Variants in CEP350 observed in about 807,000 individuals in gnomAD.
CEP350 encodes centrosome-associated protein 350.
Under a neutral mutation model 331.8 loss-of-function variants are expected in CEP350, and 126 were observed. That is an observed-to-expected ratio of 0.38 (90% CI 0.33 to 0.44). The LOEUF is 0.44. Ranked by LOEUF, CEP350 falls within the 20% of genes least tolerant of loss-of-function variation. CEP350 has a pLI of 1.00. For synonymous variants in CEP350, 1,200 were observed against 1,259.5 expected, an observed-to-expected ratio of 0.95 and a Z score of 1.00; for missense variants, 3,406 against 3,634.6, an observed-to-expected ratio of 0.94 and a Z score of 1.62.
intron 17 of CEP350, 78 bp downstream of exon 17, chr1:180,037,167 A>G (rs758456565): frequency 5.4e-6 from 7 of 1,293,404 alleles, no homozygotes; most frequent in South Asian, 1.9e-5. Context: ...GATGACTTAA[A>G]CTACTGTGTC....
intron 3 of CEP350, among the ~76,000 whole-genome samples, chr1:179,989,639 T>C (rs979370196): frequency 5.9e-5 from 9 of 152,180 alleles, no homozygotes; most frequent in African/African-American, 2.2e-4. Context: ...TAGGAGAAAA[T>C]GCTTTTCAGT....
intron 3 of CEP350, among the ~76,000 whole-genome samples, chr1:179,989,704 A>G (rs1652910252): frequency 6.6e-6 from 1 of 152,148 alleles, no homozygotes; most frequent in Non-Finnish European, 1.5e-5. Flanking sequence ...CAGAGTGTGT[A>G]TGTGAAACCT....
intron 34 of CEP350, 132 bp from the exon 35 acceptor site, chr1:180,095,391 A>G (rs1660426318): frequency 9.6e-7 from 1 of 1,045,548 alleles, no homozygotes; most frequent in Non-Finnish European, 1.3e-6. Flanking sequence ...TAGCCACCAT[A>G]TTGTTTTTTA....
chr1:180,071,466 A>C (rs1658891471), intron 27 of CEP350, among the ~76,000 whole-genome samples: 1 of 151,420 alleles, frequency 6.6e-6, no homozygotes, highest in Non-Finnish European at 1.5e-5. Context: ...TCTCAAAAAA[A>C]AAAAAAAAAA....
intron 26 of CEP350, among the ~76,000 whole-genome samples, chr1:180,064,724 G>T (rs998337873): frequency 6.6e-6 from 1 of 151,922 alleles, no homozygotes; most frequent in Non-Finnish European, 1.5e-5. Flanking sequence ...CTTTGTGTCT[G>T]TACATACATG....
intron 20 of CEP350, among the ~76,000 whole-genome samples, chr1:180,043,775 TGTG>T (rs1656926049): frequency 6.5e-5 from 1 of 15,422 alleles, no homozygotes; most frequent in African/African-American, 9.6e-5. Flanking sequence ...ACCATATTTG[TGTG>T]TGTGTGTGTG....
At chr1:180,006,633 G>A (rs999838692) in intron 8 of CEP350, 66 bp downstream of exon 8, 4 of 833,026 alleles carry the variant, frequency 4.8e-6, no homozygotes, top group African/African-American at 1.7e-5. Context: ...TATACTTTAA[G>A]TTTTGGGATA....
chr1:180,087,519 A>T lies in CEP350; in HGVS notation c.6286-59A>T, dbSNP rs1659937797. ...TTTACCTTAAAATATACTATTTTAT[A>T]ATTTAAAATAAGTTTTAAAAATTCT... On this transcript the variant is annotated intron_variant, in intron 31 of 37. Coordinates refer to ENST00000367607, the MANE Select transcript of CEP350 (RefSeq NM_014810.5). 5.9e-5 allele frequency: 83 copies of T among 1,404,626 alleles called. No homozygotes were observed. The South Asian group carries it at 7.7e-4, about 13-fold the overall frequency. The allele number at this position is 1,404,626 out of a possible 1,614,324, so 87.0% of individuals were successfully genotyped here.
intron 14 of CEP350, among the ~76,000 whole-genome samples, chr1:180,025,278 T>C (rs1655597376): frequency 6.6e-6 from 1 of 152,206 alleles, no homozygotes; most frequent in African/African-American, 2.4e-5. Flanking sequence ...TATACATCTC[T>C]GAGTATCATT....
chr1:179,973,872 G>A (rs1279405323), intron 1 of CEP350, among the ~76,000 whole-genome samples: 2 of 151,374 alleles, frequency 1.3e-5, no homozygotes, highest in African/African-American at 4.9e-5. Context: ...TGATAAATAT[G>A]TTAATTGTTC....
chr1:180,027,850 G>T (rs934326416), intron 14 of CEP350, among the ~76,000 whole-genome samples: 6 of 152,064 alleles, frequency 3.9e-5, no homozygotes, highest in Non-Finnish European at 7.4e-5. Context: ...AAATCCTAGA[G>T]ATAAGATAAT....
chr1:180,076,113 G>C lies in CEP350; in HGVS notation c.5767+892G>C, dbSNP rs115660263. 7.8e-3 allele frequency among the ~76,000 whole-genome samples: 1,192 copies of C among 152,134 alleles called. 10 individuals are homozygous for C. Among genetic ancestry groups the C allele is most frequent in the Non-Finnish European group, 0.014 (967 of 67,994 alleles). On this transcript the variant is annotated intron_variant, in intron 28 of 37. Transcript: ENST00000367607. Reference sequence around the variant, plus strand: ...TCACCAGTAAAGGAATTGTACCCCAGTAACTAAGCATCTTTTTACATAGAC... The same window carrying C: ...TCACCAGTAAAGGAATTGTACCCCACTAACTAAGCATCTTTTTACATAGAC...
At position 180,078,671 on chromosome 1, in the gene CEP350, A is replaced by G. The variant is rs748603304; in HGVS notation, c.5976A>G (p.Lys1992=). The change falls in exon 29 of 38, where the codon AAA becomes AAG. Residue 1992 remains lysine, a synonymous_variant. Coordinates refer to ENST00000367607, the MANE Select transcript of CEP350 (RefSeq NM_014810.5). ...TAGAATCTTCTACCTCTCCTAGTAA[A>G]CATGTAAGTTAATGTATATTTATAT... ...QELESSTSPS[K]HSLPKSCTSV... 1 of 1,597,744 alleles carries G rather than the reference A, an allele frequency of 6.3e-7. No homozygotes were observed. Among genetic ancestry groups the G allele is most frequent in the Non-Finnish European group, 8.5e-7 (1 of 1,171,562 alleles).
intron 3 of CEP350, among the ~76,000 whole-genome samples, chr1:179,989,729 G>A (rs1444941799): frequency 6.6e-6 from 1 of 152,020 alleles, no homozygotes; most frequent in Non-Finnish European, 1.5e-5. Context: ...TCTATCTTGC[G>A]AATTTTGTCT....
chr1:180,076,332 G>A (rs1053030446), intron 28 of CEP350, among the ~76,000 whole-genome samples: 15 of 152,180 alleles, frequency 9.9e-5, no homozygotes, highest in African/African-American at 3.6e-4. Context: ...TACCTATCCT[G>A]AATTATGTAT....
At chr1:180,007,839 C>CATGTGTGT (rs764023425) in intron 8 of CEP350, among the ~76,000 whole-genome samples, 8 of 141,010 alleles carry the variant, frequency 5.7e-5, no homozygotes, top group East Asian at 4.2e-4. Context: ...TTTTATGTAT[C>CATGTGTGT]GTGTGTGTGT....
chr1:180,110,915 A>T (rs989733183), intron 37 of CEP350, 82 bp from the exon 38 acceptor site: 14 of 1,182,560 alleles, frequency 1.2e-5, no homozygotes, highest in Non-Finnish European at 1.7e-5. Flanking sequence ...ATTCCTATGG[A>T]TAGGACTACA....
At chr1:180,090,304 T>C (rs1208913075) in intron 32 of CEP350, among the ~76,000 whole-genome samples, 1 of 151,686 alleles carries the variant, frequency 6.6e-6, no homozygotes, top group Non-Finnish European at 1.5e-5. Flanking sequence ...CCCAGCCCTT[T>C]GGGAGGCAGA....
At chr1:180,034,521 T>C (rs1428288001) in intron 16 of CEP350, among the ~76,000 whole-genome samples, 1 of 150,946 alleles carries the variant, frequency 6.6e-6, no homozygotes, top group Non-Finnish European at 1.5e-5. Flanking sequence ...ATTGAACAAA[T>C]TCATCAGTGC....
Sources: gnomAD v4.1 joint callset for allele counts (sites outside exome capture counted in the v4.1 genomes callset) on GRCh38, gnomAD v4.1.1 for gene constraint, MANE v1.5 for transcripts, NCBI Gene and HGNC (gene_info 2026-07-23, HGNC 2026-07-21) for gene names.